MBTPS2: variants seen among roughly 807,000 people sequenced by gnomAD.
MBTPS2 encodes the protein membrane-bound transcription factor site-2 protease.
Under a neutral mutation model 35.4 loss-of-function variants are expected in MBTPS2, and 2 were observed. That is an observed-to-expected ratio of 0.06 (90% CI 0.02 to 0.18). The LOEUF is 0.18. Among genes scored for constraint, MBTPS2 ranks in the 10% least tolerant of loss-of-function variants. MBTPS2 has a pLI of 1.00. For synonymous variants in MBTPS2, 125 were observed against 140.4 expected, an observed-to-expected ratio of 0.89 and a Z score of 0.77; for missense variants, 244 against 386.5, an observed-to-expected ratio of 0.63 and a Z score of 3.09.
At chrX:21,840,530 G>A (rs1018784943) in intron 1 of MBTPS2, among the ~76,000 whole-genome samples, 2 of 111,800 alleles carry the variant, frequency 1.8e-5, no homozygotes, top group African/African-American at 6.5e-5. Context: ...TTTGAGAAGG[G>A]TAGCAAAAAA....
chrX:21,876,694 T>C (rs2092953535), intron 7 of MBTPS2, among the ~76,000 whole-genome samples: 1 of 111,648 alleles, frequency 9.0e-6, no homozygotes, highest in Non-Finnish European at 1.9e-5. Context: ...AGTGTATGCC[T>C]AGGGGAAATC....
intron 1 of MBTPS2, among the ~76,000 whole-genome samples, chrX:21,840,537 A>T (rs761218407): frequency 8.9e-6 from 1 of 112,024 alleles, no homozygotes; most frequent in African/African-American, 3.2e-5. Flanking sequence ...AGGGTAGCAA[A>T]AAATCAGGAA....
At position 21,854,141 on chromosome X, in the gene MBTPS2, A is replaced by G. The variant is rs184831242; in HGVS notation, c.670+638A>G. Among the ~76,000 whole-genome samples the G allele has an allele frequency of 1.2e-4, 14 of 112,385 alleles. No homozygotes were observed. In the East Asian group the frequency reaches 3.6e-3, roughly 29 times the overall value. ...GGAAATATAAATACTAATTTCCTCA[A>G]CTTCATAGTGGAGAGGACATCTGCC... On this transcript the variant is annotated intron_variant, in intron 5 of 10. Transcript: ENST00000379484.
intron 4 of MBTPS2, among the ~76,000 whole-genome samples, chrX:21,852,169 G>T (rs971155131): frequency 3.6e-5 from 4 of 111,574 alleles, no homozygotes; most frequent in African/African-American, 9.8e-5. Context: ...CTTCCCAAAT[G>T]TATCATTGTA....
At chrX:21,872,406 G>A (rs1015850995) in intron 7 of MBTPS2, 2 of 110,686 alleles carry the variant, frequency 1.8e-5, no homozygotes, top group African/African-American at 6.6e-5. Flanking sequence ...GTATTTCACT[G>A]TTGTGGATCA....
At chrX:21,855,281 A>G (rs1038779720) in intron 5 of MBTPS2, among the ~76,000 whole-genome samples, 5 of 111,690 alleles carry the variant, frequency 4.5e-5, no homozygotes, top group Non-Finnish European at 5.6e-5. Flanking sequence ...AAAAACAATT[A>G]TAAGTGTTGT....
intron 5 of MBTPS2, among the ~76,000 whole-genome samples, chrX:21,864,101 G>A (rs997253133): frequency 8.9e-6 from 1 of 112,574 alleles, no homozygotes; most frequent in African/African-American, 3.2e-5. Flanking sequence ...AGAAATATGT[G>A]TGTACCCTCT....
intron 5 of MBTPS2, chrX:21,856,176 C>T (rs1602141962): frequency 6.8e-6 from 2 of 292,015 alleles, no homozygotes; most frequent in East Asian, 5.4e-5. Flanking sequence ...TACGCGGGCA[C>T]GTGCACGTGC....
Position 21,878,817 on chromosome X carries a change from T to C in MBTPS2, c.1261+125T>C, listed in dbSNP as rs1348061839. 5.6e-6 allele frequency: 3 copies of C among 532,287 alleles called. No individual in the cohort carries two copies. In the African/African-American group the frequency reaches 7.1e-5, roughly 13 times the overall value. 43.9% of individuals were successfully genotyped at this position (532,287 alleles called of 1,213,427 possible). ...TAAATTTGATCATTTATCAAAGTCT[T>C]GTTAACTTGTTCTTAAGCATTAAGT... On this transcript the variant is annotated intron_variant, in intron 9 of 10. Coordinates refer to ENST00000379484, the MANE Select transcript of MBTPS2 (RefSeq NM_015884.4).
chrX:21,882,383 G>C, intron 10 of MBTPS2, 50 bp from the exon 11 acceptor site: 1 of 926,754 alleles, frequency 1.1e-6, no homozygotes, highest in South Asian at 2.0e-5. Context: ...TAGAAATATG[G>C]TTTCTACTCA....
intron 7 of MBTPS2, among the ~76,000 whole-genome samples, chrX:21,877,084 C>T (rs1164012326): frequency 4.5e-5 from 5 of 111,704 alleles, no homozygotes; most frequent in Admixed American, 2.9e-4. Flanking sequence ...TTTTTTGTCC[C>T]ACCTTATAAG....
At chrX:21,857,593 A>T (rs748967926) in intron 5 of MBTPS2, 2 of 1,202,534 alleles carry the variant, frequency 1.7e-6, no homozygotes, top group Admixed American at 2.2e-5. Flanking sequence ...AAGACCAAAA[A>T]CAACCCGTGA....
chrX:21,855,024 T>C (rs2092918963), intron 5 of MBTPS2, among the ~76,000 whole-genome samples: 1 of 112,120 alleles, frequency 8.9e-6, no homozygotes, highest in Non-Finnish European at 1.9e-5. Flanking sequence ...TAGGCAGTCA[T>C]GCAAATACAA....
In MBTPS2 at chrX:21,856,676, G is replaced by A. The variant is rs773669593; in HGVS notation, c.670+3173G>A. 4 of 1,210,049 alleles carry A rather than the reference G, an allele frequency of 3.3e-6. No homozygotes were observed. The African/African-American group carries it at 5.2e-5, about 16-fold the overall frequency. ...ATCCGCCATTGATGGTGTTGCAGCC[G>A]CTCTTCACGAACACGGGCTATGGCG... On this transcript the variant is annotated intron_variant, in intron 5 of 10. Coordinates refer to ENST00000379484, the MANE Select transcript of MBTPS2 (RefSeq NM_015884.4).
At chrX:21,881,106 A>G in intron 10 of MBTPS2, 134 bp downstream of exon 10, 1 of 509,379 alleles carries the variant, frequency 2.0e-6, no homozygotes, top group Non-Finnish European at 3.5e-6. Context: ...AAGAGTCTTG[A>G]AAGATGAAAA....
chrX:21,869,024 G>A (rs963159791), intron 6 of MBTPS2, among the ~76,000 whole-genome samples: 1 of 112,477 alleles, frequency 8.9e-6, no homozygotes, highest in African/African-American at 3.2e-5. Context: ...TAACTGCTAT[G>A]ATGGCATCAA....
rs1283198445 is a variant in MBTPS2, at chrX:21,862,967, T to TATATATATATATATATAA, written c.671-5499_671-5498insTATATATATATATATAAA. On this transcript the variant is annotated intron_variant, in intron 5 of 10. Coordinates refer to ENST00000379484, the MANE Select transcript of MBTPS2 (RefSeq NM_015884.4). The stretch of plus-strand genomic sequence containing the variant: ...ATATATATATATATATATATATATA[T>TATATATATATATATATAA]AAAACCGACTGGGCGCGGTGGCTCA... Among the ~76,000 whole-genome samples the TATATATATATATATATAA allele has an allele frequency of 8.2e-4, 48 of 58,346 alleles. 1 individual carries two copies. Among genetic ancestry groups the TATATATATATATATATAA allele is most frequent in the East Asian group, 2.0e-3 (3 of 1,527 alleles). The allele number at this position is 58,346 out of a possible 115,157, so 50.7% of individuals were successfully genotyped here.
chrX:21,873,977 CTG>C (rs1208053273), intron 7 of MBTPS2, among the ~76,000 whole-genome samples: 82 of 79,801 alleles, frequency 1.0e-3, no homozygotes, highest in South Asian at 2.5e-3. Context: ...ATGTGTGTGT[CTG>C]TGTGTGTGTG....
chrX:21,874,284 C>G (rs2092950799), intron 7 of MBTPS2, among the ~76,000 whole-genome samples: 2 of 107,455 alleles, frequency 1.9e-5, no homozygotes. Flanking sequence ...CTCGGCCTCC[C>G]AAAGTGCTGG....
Sources: allele counts gnomAD v4.1 joint callset (sites outside exome capture counted in the v4.1 genomes callset), GRCh38; gene constraint gnomAD v4.1.1; transcripts MANE v1.5; gene names NCBI Gene and HGNC (gene_info 2026-07-23, HGNC 2026-07-21).